HMCN2: variants seen among roughly 807,000 people sequenced by gnomAD.
The protein encoded by HMCN2 is hemicentin-2.
A neutral mutation model predicts 377.5 loss-of-function variants in HMCN2; 325 were observed. The observed-to-expected ratio is 0.86, with a 90% CI of 0.79 to 0.94. The LOEUF is 0.94. Ranked by LOEUF, HMCN2 falls within the 40% of genes least tolerant of loss-of-function variation. HMCN2 has a pLI of 0.00. For missense variants in HMCN2, 4,543 were observed against 4,725.3 expected (o/e 0.96, Z 1.13); for synonymous variants, 2,007 against 2,046.8 (o/e 0.98, Z 0.53).
chr9:130,431,048 G>A, intron 95 of HMCN2: 1 of 490,260 alleles, frequency 2.0e-6, no homozygotes, highest in Non-Finnish European at 3.7e-6. Context: ...GGACCCTGCA[G>A]AGAGGGACAA....
chr9:130,365,505 C>T (rs559934372), intron 41 of HMCN2, 126 bp from the exon 42 acceptor site: 113 of 253,266 alleles, frequency 4.5e-4, no homozygotes, highest in African/African-American at 1.2e-3. Context: ...GTCACTGCCC[C>T]GTGCTCCAAG....
intron 40 of HMCN2, among the ~76,000 whole-genome samples, chr9:130,363,774 G>A (rs1840521743): frequency 7.1e-6 from 1 of 141,368 alleles, no homozygotes; most frequent in Admixed American, 7.6e-5. Flanking sequence ...AGTGAGCTGA[G>A]ATCATGTCAC....
At chr9:130,336,671 G>A (rs1838764362) in intron 22 of HMCN2, among the ~76,000 whole-genome samples, 1 of 152,192 alleles carries the variant, frequency 6.6e-6, no homozygotes, top group African/African-American at 2.4e-5. Context: ...GAGGCTGCTG[G>A]ATGCTCGGGA....
chr9:130,328,438 G>A (rs1291576161), intron 22 of HMCN2, among the ~76,000 whole-genome samples: 1 of 152,154 alleles, frequency 6.6e-6, no homozygotes, highest in Admixed American at 6.5e-5. Context: ...ACTGAAACGG[G>A]AACCGCATTC....
intron 15 of HMCN2, among the ~76,000 whole-genome samples, chr9:130,312,757 CT>C (rs1178224899): frequency 6.6e-6 from 1 of 150,910 alleles, no homozygotes; most frequent in East Asian, 1.9e-4. Flanking sequence ...CCTCTACCTC[CT>C]AGGTTCAAGT....
rs1206329835 is a variant in HMCN2 at position 130,384,618 on chromosome 9, C to T, written c.8993-67C>T. On this transcript the variant is annotated intron_variant, in intron 58 of 97. Coordinates refer to ENST00000683500, the MANE Select transcript of HMCN2 (RefSeq NM_001291815.2). The stretch of plus-strand genomic sequence containing the variant: ...CCCGACCTGGGACAGGGCCGTCAGT[C>T]GTGCAGGGATTTAGGACTGGGGGCT... 24 of 1,300,550 alleles carry T rather than the reference C, an allele frequency of 1.8e-5. No homozygotes were observed. The East Asian group carries it at 3.3e-4, about 18-fold the overall frequency. The allele number at this position is 1,300,550 out of a possible 1,614,324, so 80.6% of individuals were successfully genotyped here.
intron 85 of HMCN2, among the ~76,000 whole-genome samples, chr9:130,412,555 T>C (rs1843478474): frequency 7.8e-6 from 1 of 127,782 alleles, no homozygotes; most frequent in South Asian, 2.9e-4. Flanking sequence ...TTCTTTTCTT[T>C]TCTTTCTTTC....
intron 23 of HMCN2, among the ~76,000 whole-genome samples, chr9:130,339,196 C>G (rs1393830462): frequency 6.6e-6 from 1 of 152,282 alleles, no homozygotes; most frequent in Admixed American, 6.5e-5. Context: ...TCAAACAAAA[C>G]AAAACAAAAA....
chr9:130,368,550 C>A, intron 44 of HMCN2, 113 bp downstream of exon 44: 1 of 494,846 alleles, frequency 2.0e-6, no homozygotes, highest in Non-Finnish European at 2.6e-6. Flanking sequence ...TGCAGGCTTT[C>A]TCCTCCCTCA....
chr9:130,306,126 C>T lies in HMCN2; in HGVS notation c.1817-3C>T, dbSNP rs1436417644. 4.2e-6 allele frequency: 2 copies of T among 470,980 alleles called. No homozygotes were observed. Among genetic ancestry groups the T allele is most frequent in the Admixed American group, 4.7e-5 (2 of 42,558 alleles). The allele number at this position is 470,980 out of a possible 1,614,324, so 29.2% of individuals were successfully genotyped here. ...CCTCGCCTATCCACTTTTTGGGTCA[C>T]AGAGGCCCCACAGGTCAGCATCCAC... On this transcript the variant is annotated splice_polypyrimidine_tract_variant and splice_region_variant and intron_variant, in intron 11 of 97. Coordinates refer to ENST00000683500, the MANE Select transcript of HMCN2 (RefSeq NM_001291815.2).
chr9:130,389,320 C>T (rs1054907897), intron 62 of HMCN2, among the ~76,000 whole-genome samples: 21 of 152,186 alleles, frequency 1.4e-4, no homozygotes, highest in African/African-American at 5.1e-4. Context: ...GTGTGACCAT[C>T]ACCACAATCA....
At chr9:130,397,315 G>A (rs902888805) in intron 73 of HMCN2, among the ~76,000 whole-genome samples, 8 of 152,188 alleles carry the variant, frequency 5.3e-5, no homozygotes, top group Non-Finnish European at 7.4e-5. Context: ...GGAAAGACCC[G>A]CCCCCCAATT....
chr9:130,315,008 G>A (rs1837455321), intron 15 of HMCN2, among the ~76,000 whole-genome samples: 2 of 151,722 alleles, frequency 1.3e-5, no homozygotes, highest in Non-Finnish European at 1.5e-5. Flanking sequence ...ACTTCACCAG[G>A]GCCTTTCCCT....
intron 22 of HMCN2, among the ~76,000 whole-genome samples, chr9:130,332,457 G>A (rs1026807481): frequency 2.6e-5 from 4 of 152,188 alleles, no homozygotes; most frequent in Non-Finnish European, 5.9e-5. Context: ...CTGGCTGTTG[G>A]GATTCTAAGT....
In HMCN2 at chr9:130,358,497, G is replaced by A. The variant is rs1216924129; in HGVS notation, c.5677+11G>A. On this transcript the variant is annotated intron_variant, in intron 36 of 97. Coordinates refer to ENST00000683500, the MANE Select transcript of HMCN2 (RefSeq NM_001291815.2). ...CGCTGAAAGTTTTGGGTGAGGACGTGGGTAACCAGCAGGGCCCAGGCCAGC... is the reference window on the plus strand; with the variant it reads ...CGCTGAAAGTTTTGGGTGAGGACGTAGGTAACCAGCAGGGCCCAGGCCAGC... 10 of 1,304,280 alleles carry A rather than the reference G, an allele frequency of 7.7e-6. 1 individual carries two copies. In the Admixed American group the frequency reaches 1.1e-4, roughly 15 times the overall value. The allele number at this position is 1,304,280 out of a possible 1,614,324, so 80.8% of individuals were successfully genotyped here. A position where few individuals can be genotyped will look rare whatever the true frequency, so the allele number is the denominator to read the frequency against.
chr9:130,278,436 T>G (rs1834919431), intron 1 of HMCN2, among the ~76,000 whole-genome samples: 1 of 151,852 alleles, frequency 6.6e-6, no homozygotes, highest in Non-Finnish European at 1.5e-5. Context: ...CATCATTGTT[T>G]TTGGAGGCAG....
intron 79 of HMCN2, 57 bp downstream of exon 79, chr9:130,403,385 G>GA: frequency 1.6e-6 from 2 of 1,255,130 alleles, no homozygotes; most frequent in Non-Finnish European, 2.1e-6. Context: ...GGTCTGGGCA[G>GA]GGGGGGAGTC....
At chr9:130,295,061 C>T (rs1554931525) in intron 5 of HMCN2, 35 bp downstream of exon 5, 1 of 412,692 alleles carries the variant, frequency 2.4e-6, no homozygotes, top group South Asian at 1.8e-5. Flanking sequence ...TCCTCTTTGG[C>T]CCCAAGACTG....
chr9:130,399,250 CAAAAAAAAAAA>C (rs35123847), intron 75 of HMCN2, among the ~76,000 whole-genome samples: 3 of 77,052 alleles, frequency 3.9e-5, no homozygotes, highest in South Asian at 4.2e-4. Context: ...GAGACTGTCT[CAAAAAAAAAAA>C]AAAAAAAAAG....
Sources: gnomAD v4.1 joint callset for allele counts (sites outside exome capture counted in the v4.1 genomes callset) on GRCh38, gnomAD v4.1.1 for gene constraint, MANE v1.5 for transcripts, NCBI Gene and HGNC (gene_info 2026-07-23, HGNC 2026-07-21) for gene names.